The following ITGAX variants were observed in gnomAD, a reference collection of about 807,000 sequenced individuals.
ITGAX encodes integrin subunit alpha X.
Under a neutral mutation model 140.2 loss-of-function variants are expected in ITGAX, and 99 were observed. The observed-to-expected ratio is 0.71, with a 90% CI of 0.60 to 0.83. The LOEUF (loss-of-function observed/expected upper bound fraction) is 0.83. Ranked by LOEUF, ITGAX falls within the 40% of genes least tolerant of loss-of-function variation. The pLI is 0.00. For missense variants in ITGAX, 1,444 were observed against 1,482.0 expected (o/e 0.97, Z 0.42); for synonymous variants, 631 against 600.4 (o/e 1.05, Z -0.75).
rs1281916256 is a variant in ITGAX at position 31,363,199 on chromosome 16, G to A, written c.1535G>A (p.Gly512Glu). The stretch of plus-strand genomic sequence containing the variant: ...TGGTGGTGTGATGCTGTTCTCTACG[G>A]GGAGCAGGGCCACCCCTGGGGTCGC... ...RRWWCDAVLY[G>E]EQGHPWGRFG... Residue 512 changes from glycine (G) to glutamate (E), a missense_variant, in exon 14 of 30, where the codon GGG (glycine) becomes GAG (glutamate). Coordinates refer to ENST00000268296, the MANE Select transcript of ITGAX (RefSeq NM_000887.5). 6.2e-7 allele frequency: 1 copy of A among 1,612,214 alleles called. No homozygotes were observed. The highest frequency in any genetic ancestry group is 8.5e-7 in the Non-Finnish European group (1 of 1,179,250).
At chr16:31,356,584 C>A (rs369539640) in intron 2 of ITGAX, 41 bp from the exon 3 acceptor site, 20 of 1,413,236 alleles carry the variant, frequency 1.4e-5, no homozygotes, top group Non-Finnish European at 2.0e-5. Context: ...TGTGCTGCAG[C>A]GTCCACACTC....
intron 26 of ITGAX, 90 bp from the exon 27 acceptor site, chr16:31,380,176 A>AC: frequency 6.6e-7 from 1 of 1,521,442 alleles, no homozygotes; most frequent in Non-Finnish European, 9.1e-7. Flanking sequence ...GCATTCGGAT[A>AC]TGGCCGCTGC....
Position 31,361,009 on chromosome 16 carries a change from A to G in ITGAX, c.862-54A>G, listed in dbSNP as rs1178765846. The G allele has an allele frequency of 3.2e-6, 5 of 1,568,864 alleles. No homozygotes were observed. In the African/African-American group the frequency reaches 6.8e-5, roughly 21 times the overall value. Reference sequence around the variant, plus strand: ...TATTGGAAGATGTTGCACCCAGTGCACACAGGCACATTTGATTTATTATTT... The same window carrying G: ...TATTGGAAGATGTTGCACCCAGTGCGCACAGGCACATTTGATTTATTATTT... On this transcript the variant is annotated intron_variant, in intron 8 of 29. Coordinates refer to ENST00000268296, the MANE Select transcript of ITGAX (RefSeq NM_000887.5).
At position 31,371,265 on chromosome 16, in the gene ITGAX, G is replaced by T; in HGVS notation, c.1841+51G>T. ...CCCCAGGTGGTCCTAGGTTCAGATG[G>T]GGGTGCCCACCCCACGTGGTGCTCC... is the stretch of plus-strand genomic sequence containing the variant. On this transcript the variant is annotated intron_variant, in intron 15 of 29. Transcript: ENST00000268296. 1 of 1,606,586 alleles carries T rather than the reference G, an allele frequency of 6.2e-7. No individual in the cohort carries two copies. The highest frequency in any genetic ancestry group is 8.5e-7 in the Non-Finnish European group (1 of 1,175,278).
Position 31,361,867 on chromosome 16 carries a change from A to G in ITGAX, c.1044A>G (p.Glu348=), listed in dbSNP as rs966838413. The G allele has an allele frequency of 6.2e-7, 1 of 1,613,940 alleles. No homozygotes were observed. Among genetic ancestry groups the G allele is most frequent in the African/African-American group, 1.3e-5 (1 of 75,010 alleles). Residue 348 remains glutamate (E), a synonymous_variant, in exon 10 of 30, where the codon GAA becomes GAG. Transcript: ENST00000268296. The stretch of plus-strand genomic sequence containing the variant: ...AGACCACAAGCAGTAGCTCCTTCGA[A>G]TTGGAGATGGCACAGGAGGGCTTCA... ...GTETTSSSSF[E]LEMAQEGFSA...
intron 2 of ITGAX, chr16:31,356,364 A>G: frequency 2.1e-6 from 1 of 466,814 alleles, no homozygotes; most frequent in Non-Finnish European, 3.9e-6. Context: ...TCCTGGGCTC[A>G]AGCAATCCTC....
In ITGAX at chr16:31,356,275, T is replaced by C. The variant is rs2080759037; in HGVS notation, c.143+277T>C. 3.4e-5 allele frequency: 15 copies of C among 445,230 alleles called. No individual in the cohort carries two copies. The East Asian group carries it at 5.4e-4, about 16-fold the overall frequency. 27.6% of individuals were successfully genotyped at this position (445,230 alleles called of 1,614,324 possible). ...CAGTCGTGCAACAAACACTTATTTG[T>C]TTTTTCTTTCTTTTTTTCTATACAT... On this transcript the variant is annotated intron_variant, in intron 2 of 29. Coordinates refer to ENST00000268296, the MANE Select transcript of ITGAX (RefSeq NM_000887.5).
intron 20 of ITGAX, among the ~76,000 whole-genome samples, chr16:31,374,965 A>C (rs1405002263): frequency 3.3e-5 from 5 of 152,222 alleles, no homozygotes; most frequent in Non-Finnish European, 5.9e-5. Context: ...TAGTTATTTC[A>C]GGAGTGGGTT....
Position 31,363,081 on chromosome 16 carries a change from T to A in ITGAX, c.1500+6T>A. 1 of 544,898 alleles carries A rather than the reference T, an allele frequency of 1.8e-6. No individual in the cohort carries two copies. The allele number at this position is 544,898 out of a possible 1,614,324, so 33.8% of individuals were successfully genotyped here. A position where few individuals can be genotyped will look rare whatever the true frequency, so the allele number is the denominator to read the frequency against. ...TGTGTCCCTTGCCCAGGGGGGTGAG[T>A]GGCTGATGGGCCTGGGGTGGGTGGG... On this transcript the variant is annotated splice_donor_region_variant and intron_variant, in intron 13 of 29. Transcript: ENST00000268296.
At chr16:31,357,943 T>G (rs1234946417) in intron 5 of ITGAX, 4 of 167,646 alleles carry the variant, frequency 2.4e-5, no homozygotes, top group Non-Finnish European at 3.8e-5. Context: ...AGGGCCTGAC[T>G]TCCCTGGTGC....
chr16:31,362,787 G>A, intron 12 of ITGAX, 34 bp downstream of exon 12: 1 of 1,612,856 alleles, frequency 6.2e-7, no homozygotes, highest in Non-Finnish European at 8.5e-7. Flanking sequence ...GGGAGGATGA[G>A]GGTAGGGGAG....
intron 23 of ITGAX, among the ~76,000 whole-genome samples, chr16:31,378,525 G>T (rs182211814): frequency 6.7e-5 from 10 of 148,240 alleles, no homozygotes; most frequent in Admixed American, 4.0e-4. Context: ...GGAGTGCAGT[G>T]GTGTGATCAC....
At position 31,379,765 on chromosome 16, in the gene ITGAX, C is replaced by T. The variant is rs368442742; in HGVS notation, c.2877C>T (p.Asn959=). ...CAGTGCCCTCTGTGCAGGTCAATAA[C>T]CTGGGACAGAGGGACCTGCCTGTCA... ...HVAMHRYQVN[N]LGQRDLPVSI... Residue 959 remains asparagine (N), a synonymous_variant, in exon 25 of 30, where the codon AAC becomes AAT. Coordinates refer to ENST00000268296, the MANE Select transcript of ITGAX (RefSeq NM_000887.5). 68 of 1,613,668 alleles carry T rather than the reference C, an allele frequency of 4.2e-5. No homozygotes were observed. Among genetic ancestry groups the T allele is most frequent in the Non-Finnish European group, 5.6e-5 (66 of 1,179,882 alleles).
At chr16:31,380,242 C>T (rs373146082) in intron 26 of ITGAX, 24 bp from the exon 27 acceptor site, 1 of 1,608,404 alleles carries the variant, frequency 6.2e-7, no homozygotes, top group Non-Finnish European at 8.5e-7. Flanking sequence ...CTTTCTCAGC[C>T]CCATGCTATT....
intron 23 of ITGAX, among the ~76,000 whole-genome samples, chr16:31,379,042 C>CTCAAGTTCAAGGTCAGAA (rs1228443291): frequency 6.6e-6 from 1 of 152,042 alleles, no homozygotes; most frequent in Non-Finnish European, 1.5e-5. Flanking sequence ...TCTTGAACTC[C>CTCAAGTTCAAGGTCAGAA]CGACCTCAGG....
chr16:31,372,727 G>A, intron 19 of ITGAX, 57 bp downstream of exon 19: 16 of 1,506,182 alleles, frequency 1.1e-5, no homozygotes, highest in Non-Finnish European at 1.5e-5. Context: ...CTGGAATCTG[G>A]GACTCCTGCC....
Position 31,380,299 on chromosome 16 carries a change from T to C in ITGAX, c.3094T>C (p.Cys1032Arg). 1 of 1,614,250 alleles carries C rather than the reference T, an allele frequency of 6.2e-7. No individual in the cohort carries two copies. The highest frequency in any genetic ancestry group is 8.5e-7 in the Non-Finnish European group (1 of 1,180,040). ...CSIAGCLRFR[C>R]DVPSFSVQEE... ...CATTGCTGGCTGCCTGCGGTTCCGC[T>C]GTGACGTCCCCTCCTTCAGCGTCCA... The change falls in exon 27 of 30, where the codon TGT (cysteine) becomes CGT (arginine). Residue 1032 changes from cysteine to arginine, a missense_variant. Coordinates refer to ENST00000268296, the MANE Select transcript of ITGAX (RefSeq NM_000887.5).
intron 9 of ITGAX, 81 bp from the exon 10 acceptor site, chr16:31,361,755 C>A: frequency 1.4e-6 from 2 of 1,419,600 alleles, no homozygotes; most frequent in East Asian, 2.3e-5. Flanking sequence ...CCAGTCTTAG[C>A]TTCTCCTAAA....
At chr16:31,358,667 G>A (rs988175910) in intron 5 of ITGAX, among the ~76,000 whole-genome samples, 4 of 151,948 alleles carry the variant, frequency 2.6e-5, no homozygotes, top group Non-Finnish European at 5.9e-5. Context: ...ACACTGGCTA[G>A]GGACTGGTGC....
Sources: allele counts gnomAD v4.1 joint callset (sites outside exome capture counted in the v4.1 genomes callset), GRCh38; gene constraint gnomAD v4.1.1; transcripts MANE v1.5; gene names NCBI Gene and HGNC (gene_info 2026-07-23, HGNC 2026-07-21).